Variants in SPATA13 observed in about 807,000 individuals in gnomAD.
SPATA13 encodes the protein spermatogenesis-associated protein 13.
Under a neutral mutation model 104.0 loss-of-function variants are expected in SPATA13, and 50 were observed. The observed-to-expected ratio is 0.48, with a 90% confidence interval of 0.38 to 0.61. The LOEUF (loss-of-function observed/expected upper bound fraction) is 0.61. SPATA13 is among the 20% of genes least tolerant of loss of function. The pLI is 0.00. For synonymous variants in SPATA13, 606 were observed against 667.5 expected (o/e 0.91, Z 1.42); for missense variants, 1,524 against 1,690.6 (o/e 0.90, Z 1.73).
chr13:24,198,049 G>C (rs1870170610), intron 1 of SPATA13, among the ~76,000 whole-genome samples: 1 of 152,122 alleles, frequency 6.6e-6, no homozygotes, highest in Non-Finnish European at 1.5e-5. Flanking sequence ...AGGCTGGAGT[G>C]CAGTGGCATG....
At chr13:24,107,950 A>G (rs1880507499) in intron 3 of SPATA13, among the ~76,000 whole-genome samples, 1 of 152,236 alleles carries the variant, frequency 6.6e-6, no homozygotes, top group African/African-American at 2.4e-5. Context: ...TTGTGCTGCT[A>G]TAGTACGATA....
intron 1 of SPATA13, among the ~76,000 whole-genome samples, chr13:24,166,959 G>A (rs1015775640): frequency 6.6e-6 from 1 of 152,212 alleles, no homozygotes; most frequent in East Asian, 1.9e-4. Context: ...CATTCAGACC[G>A]TAGCAGTTCC....
At chr13:24,292,162 C>T (rs926378267) in intron 9 of SPATA13, among the ~76,000 whole-genome samples, 3 of 152,218 alleles carry the variant, frequency 2.0e-5, no homozygotes, top group Non-Finnish European at 4.4e-5. Flanking sequence ...CCCTTTGTTT[C>T]CTTAATAGCC....
chr13:24,292,951 G>A (rs1406632386), intron 9 of SPATA13, among the ~76,000 whole-genome samples: 2 of 115,674 alleles, frequency 1.7e-5, no homozygotes, highest in Non-Finnish European at 1.6e-5. Flanking sequence ...AGCCGAGATC[G>A]CACCATTGCA....
chr13:24,300,731 C>A (rs894172552), intron 12 of SPATA13, among the ~76,000 whole-genome samples: 1 of 152,156 alleles, frequency 6.6e-6, no homozygotes, highest in African/African-American at 2.4e-5. Flanking sequence ...GGTGGACCTC[C>A]TTGCCTGCCT....
At chr13:24,218,851 A>G (rs955953200) in intron 1 of SPATA13, among the ~76,000 whole-genome samples, 4 of 152,164 alleles carry the variant, frequency 2.6e-5, no homozygotes, top group South Asian at 4.1e-4. Flanking sequence ...GTATATTACA[A>G]AAACCTTCCT....
At chr13:24,050,315 C>T (rs1177303733) in intron 3 of SPATA13, among the ~76,000 whole-genome samples, 4 of 152,208 alleles carry the variant, frequency 2.6e-5, no homozygotes, top group Non-Finnish European at 5.9e-5. Context: ...TTAATGCACT[C>T]TAGTTCCTTG....
chr13:24,107,365 C>T lies in SPATA13; in HGVS notation c.-112+89664C>T, dbSNP rs1327085477. Among the ~76,000 whole-genome samples, 6 of 151,454 alleles carry T rather than the reference C, an allele frequency of 4.0e-5. No individual in the cohort carries two copies. In the South Asian group the frequency reaches 1.3e-3, roughly 32 times the overall value. On this transcript the variant is annotated intron_variant, in intron 3 of 14. Transcript: ENST00000424834. ...GAAACTGTCCCCAGAGAAACGAGCACTCCTCATCACAGTCTCTACTATGTT... is the reference window on the plus strand; with the variant it reads ...GAAACTGTCCCCAGAGAAACGAGCATTCCTCATCACAGTCTCTACTATGTT...
At chr13:24,241,366 A>G (rs1555271687) in intron 2 of SPATA13, among the ~76,000 whole-genome samples, 1 of 152,230 alleles carries the variant, frequency 6.6e-6, no homozygotes, top group Non-Finnish European at 1.5e-5. Context: ...GATGGTCCCT[A>G]AAGTAGCAGA....
intron 3 of SPATA13, among the ~76,000 whole-genome samples, chr13:24,145,740 G>A (rs1881908201): frequency 6.6e-6 from 1 of 152,232 alleles, no homozygotes; most frequent in African/African-American, 2.4e-5. Context: ...TCAATAAATA[G>A]AGAACGGCTA....
chr13:24,042,255 T>C (rs981175573), intron 3 of SPATA13, among the ~76,000 whole-genome samples: 2 of 152,192 alleles, frequency 1.3e-5, no homozygotes, highest in African/African-American at 4.8e-5. Context: ...CTATTTGCCC[T>C]GAGGCTGATA....
chr13:24,016,848 G>A (rs991344329), intron 2 of SPATA13, among the ~76,000 whole-genome samples: 10 of 152,242 alleles, frequency 6.6e-5, no homozygotes, highest in Non-Finnish European at 1.0e-4. Flanking sequence ...AAATCCCAGG[G>A]TGCAGAGAAT....
At chr13:24,211,602 A>C (rs983710484) in intron 1 of SPATA13, among the ~76,000 whole-genome samples, 3 of 152,174 alleles carry the variant, frequency 2.0e-5, no homozygotes, top group Admixed American at 2.0e-4. Context: ...CGTTGGACCC[A>C]GCCTGATGGT....
At chr13:24,040,912 T>G (rs1162193357) in intron 3 of SPATA13, among the ~76,000 whole-genome samples, 1 of 152,206 alleles carries the variant, frequency 6.6e-6, no homozygotes. Context: ...ACTCAAATAC[T>G]GCAGTTGCTG....
intron 9 of SPATA13, among the ~76,000 whole-genome samples, chr13:24,294,237 C>T (rs118162355): frequency 0.027 from 4,172 of 152,288 alleles, 82 homozygotes; most frequent in Non-Finnish European, 0.042. Flanking sequence ...GCCATACTGG[C>T]ATTTCCGTAA....
chr13:24,215,920 G>A (rs1304638330), intron 1 of SPATA13, among the ~76,000 whole-genome samples: 2 of 152,208 alleles, frequency 1.3e-5, no homozygotes, highest in Non-Finnish European at 2.9e-5. Flanking sequence ...GTTTTGGCAT[G>A]GGTTGCAGGC....
At chr13:23,995,667 G>C (rs1255968970) in intron 2 of SPATA13, among the ~76,000 whole-genome samples, 1 of 152,168 alleles carries the variant, frequency 6.6e-6, no homozygotes, top group Non-Finnish European at 1.5e-5. Flanking sequence ...GGAAAGTTTT[G>C]ATTCTTCTTA....
At chr13:24,108,325 G>A (rs1350613100) in intron 3 of SPATA13, among the ~76,000 whole-genome samples, 3 of 152,208 alleles carry the variant, frequency 2.0e-5, no homozygotes, top group Admixed American at 1.3e-4. Flanking sequence ...GATTCCCTTC[G>A]CACCTTTGCA....
chr13:24,225,069 T>A (rs2138615466), intron 2 of SPATA13, among the ~76,000 whole-genome samples: 1 of 152,362 alleles, frequency 6.6e-6, no homozygotes, highest in East Asian at 1.9e-4. Flanking sequence ...GCTGGAAACC[T>A]CTGTGGGCTG....
Sources: allele counts gnomAD v4.1 joint callset (sites outside exome capture counted in the v4.1 genomes callset), GRCh38; gene constraint gnomAD v4.1.1; transcripts MANE v1.5; gene names NCBI Gene and HGNC (gene_info 2026-07-23, HGNC 2026-07-21).